The following MDN1 variants were observed in gnomAD, a reference collection of about 807,000 sequenced individuals.
MDN1 encodes midasin AAA ATPase 1.
In MDN1, 266 loss-of-function variants were observed where a neutral mutation model predicts 669.2. The ratio of observed to expected loss-of-function variants is 0.40; its 90% CI spans 0.36 to 0.44. The LOEUF is 0.44. Ranked by LOEUF, MDN1 falls within the 20% of genes least tolerant of loss-of-function variation. The pLI is 1.00. For synonymous variants in MDN1, 2,385 were observed against 2,457.1 expected (o/e 0.97, Z 0.87); for missense variants, 5,940 against 6,754.0 (o/e 0.88, Z 4.22).
chr6:89,765,435 C>T (rs933164517), intron 15 of MDN1, among the ~76,000 whole-genome samples: 6 of 152,108 alleles, frequency 3.9e-5, no homozygotes, highest in Non-Finnish European at 7.4e-5. Context: ...AGAAATTGAA[C>T]AAAATATATG....
At position 89,673,395 on chromosome 6, in the gene MDN1, G is replaced by A; in HGVS notation, c.13315C>T (p.Leu4439=). 6.2e-7 allele frequency: 1 copy of A among 1,614,142 alleles called. No homozygotes were observed. Among genetic ancestry groups the A allele is most frequent in the Non-Finnish European group, 8.5e-7 (1 of 1,180,020 alleles). ...LSQVSVHLQG[L]ESLFILPGME... is the part of the protein sequence containing the mutation. ...CCTGGAAGAATGAACAAGGACTCTA[G>A]GCCCTGCAAATGAACTGACACCTGG... Residue 4439 remains leucine (L), a synonymous_variant, in exon 80 of 102, where the codon CTA becomes TTA. Transcript: ENST00000369393.
At chr6:89,644,263 G>A in intron 101 of MDN1, 70 bp from the exon 102 acceptor site, 1 of 1,305,850 alleles carries the variant, frequency 7.7e-7, no homozygotes, top group Non-Finnish European at 1.1e-6. Flanking sequence ...GCTCTTCTGT[G>A]ATCTCTTTTG....
intron 8 of MDN1, among the ~76,000 whole-genome samples, chr6:89,785,498 T>C (rs956401299): frequency 6.6e-6 from 1 of 152,226 alleles, no homozygotes; most frequent in African/African-American, 2.4e-5. Flanking sequence ...AGTTCACTGC[T>C]TGTTACCAGA....
At chr6:89,759,516 C>T (rs1817425083) in intron 17 of MDN1, among the ~76,000 whole-genome samples, 1 of 152,158 alleles carries the variant, frequency 6.6e-6, no homozygotes, top group Non-Finnish European at 1.5e-5. Context: ...GTAACCCCAG[C>T]ACTTTGGGAG....
chr6:89,694,460 T>C (rs1200872249), intron 61 of MDN1, among the ~76,000 whole-genome samples: 1 of 152,264 alleles, frequency 6.6e-6, no homozygotes, highest in East Asian at 1.9e-4. Context: ...TCAAAATATG[T>C]ACTAACATAC....
At chr6:89,786,046 G>T (rs971032183) in intron 8 of MDN1, among the ~76,000 whole-genome samples, 12 of 152,102 alleles carry the variant, frequency 7.9e-5, no homozygotes, top group Non-Finnish European at 1.6e-4. Flanking sequence ...TGGATTGCTT[G>T]AGGCCAGAAG....
At chr6:89,754,276 T>C (rs1817117920) in intron 20 of MDN1, 46 bp from the exon 21 acceptor site, 2 of 1,573,214 alleles carry the variant, frequency 1.3e-6, no homozygotes, top group Non-Finnish European at 1.7e-6. Flanking sequence ...CTAATAAGTA[T>C]CCAGTATTAT....
intron 92 of MDN1, among the ~76,000 whole-genome samples, chr6:89,655,038 C>T (rs536566677): frequency 1.3e-5 from 2 of 151,964 alleles, no homozygotes; most frequent in Non-Finnish European, 2.9e-5. Context: ...TTTATGATCA[C>T]GCAGCAAAGG....
chr6:89,667,444 G>A (rs1810335986), intron 84 of MDN1, among the ~76,000 whole-genome samples: 1 of 152,042 alleles, frequency 6.6e-6, no homozygotes. Context: ...TTTCTGATCT[G>A]ATTTAACTTA....
intron 5 of MDN1, among the ~76,000 whole-genome samples, chr6:89,791,559 T>C (rs1819270524): frequency 6.6e-6 from 1 of 152,212 alleles, no homozygotes. Flanking sequence ...CCATGGGTAT[T>C]CACTATACCA....
intron 53 of MDN1, among the ~76,000 whole-genome samples, chr6:89,704,154 G>T (rs750021452): frequency 6.6e-6 from 1 of 152,028 alleles, no homozygotes; most frequent in Non-Finnish European, 1.5e-5. Flanking sequence ...GTTGACGCAG[G>T]TGGATCACCT....
In MDN1 at chr6:89,687,037, A is replaced by C. The variant is rs1486799668; in HGVS notation, c.11451-14T>G. 6.2e-7 allele frequency: 1 copy of C among 1,610,544 alleles called. No individual in the cohort carries two copies. On this transcript the variant is annotated splice_polypyrimidine_tract_variant and intron_variant, in intron 68 of 101. Transcript: ENST00000369393. Reference sequence around the variant, plus strand: ...ATGGACCAGCAGCTGAAACGAGAAGAAGCCAAGGAGGCATTTAGGAAAACC... The same window carrying C: ...ATGGACCAGCAGCTGAAACGAGAAGCAGCCAAGGAGGCATTTAGGAAAACC...
rs1440995349 is a variant in MDN1 at position 89,730,780 on chromosome 6, C to A, written c.5086G>T (p.Glu1696Ter). The A allele has an allele frequency of 6.2e-7, 1 of 1,614,108 alleles. No individual in the cohort carries two copies. The highest frequency in any genetic ancestry group is 8.5e-7 in the Non-Finnish European group (1 of 1,179,972). The change falls in exon 35 of 102, where the codon GAA (glutamate) becomes TAA (stop). Residue 1696 changes from glutamate to a stop codon, truncating the protein, a stop_gained. Transcript: ENST00000369393. LOFTEE classifies it high-confidence loss of function. ...LKIYDRMKAK[E>*]FTGIDNLWGI... ...CAAAGGTTATCTATTCCAGTGAATT[C>A]TTTGGCCTTCATTCTGTCATAAATC... is the stretch of plus-strand genomic sequence containing the variant.
At position 89,643,996 on chromosome 6, in the gene MDN1, C is replaced by A; in HGVS notation, c.*9G>T. ...CAGTTAAGTCTCACTTTGGACTCTTCTTTCTGTTCTATGGGTGGTCAGAGG... is the reference window on the plus strand; with the variant it reads ...CAGTTAAGTCTCACTTTGGACTCTTATTTCTGTTCTATGGGTGGTCAGAGG... On this transcript the variant is annotated 3_prime_UTR_variant, in exon 102 of 102. Transcript: ENST00000369393. 1 of 1,595,216 alleles carries A rather than the reference C, an allele frequency of 6.3e-7. No individual in the cohort carries two copies.
In MDN1 at chr6:89,678,726, C is replaced by G. The variant is rs1160930724; in HGVS notation, c.12285G>C (p.Val4095=). The stretch of plus-strand genomic sequence containing the variant: ...CCACCTTTAAGCTCTGCAGCTCACT[C>G]ACAGAGGAAATCACTTCACCTGTAA... ...DQFTGEVISS[V]SELQSLKVEP... is the part of the protein sequence containing the mutation. Residue 4095 remains valine, a synonymous_variant, in exon 75 of 102, where the codon GTG becomes GTC. Coordinates refer to ENST00000369393, the MANE Select transcript of MDN1 (RefSeq NM_014611.3). 2 of 1,612,580 alleles carry G rather than the reference C, an allele frequency of 1.2e-6. No individual in the cohort carries two copies. The highest frequency in any genetic ancestry group is 1.7e-6 in the Non-Finnish European group (2 of 1,179,408).
intron 18 of MDN1, 64 bp from the exon 19 acceptor site, chr6:89,758,415 G>T: frequency 7.4e-7 from 1 of 1,347,654 alleles, no homozygotes; most frequent in Non-Finnish European, 1.0e-6. Flanking sequence ...AGAACCCCAG[G>T]CCCAGCCAGC....
intron 1 of MDN1, among the ~76,000 whole-genome samples, chr6:89,810,850 T>C (rs765291561): frequency 2.6e-5 from 4 of 151,988 alleles, no homozygotes; most frequent in Non-Finnish European, 5.9e-5. Flanking sequence ...ATACAAAAAT[T>C]AGCTGGGCAT....
intron 89 of MDN1, 50 bp downstream of exon 89, chr6:89,658,560 C>A (rs1809495223): frequency 6.4e-7 from 1 of 1,561,882 alleles, no homozygotes; most frequent in Non-Finnish European, 8.7e-7. Flanking sequence ...AAGGTGACTT[C>A]TCCTCTTCCT....
rs1808247520 is a variant in MDN1, at chr6:89,642,773, A to C, written c.*1232T>G. On this transcript the variant is annotated 3_prime_UTR_variant, in exon 102 of 102. Transcript: ENST00000369393. ...TCATCTTCCATTAAGAAGAGTCACA[A>C]ATTACATCAACAACAGTGGTATATG... The C allele has an allele frequency of 2.6e-5, 4 of 152,206 alleles. No homozygotes were observed. In the South Asian group the frequency reaches 6.2e-4, roughly 24 times the overall value. 9.4% of individuals were successfully genotyped at this position (152,206 alleles called of 1,614,324 possible).
Sources: allele counts gnomAD v4.1 joint callset (sites outside exome capture counted in the v4.1 genomes callset), GRCh38; gene constraint gnomAD v4.1.1; transcripts MANE v1.5; gene names NCBI Gene and HGNC (gene_info 2026-07-23, HGNC 2026-07-21).